The following CLOCK variants were observed in gnomAD, a reference collection of about 807,000 sequenced individuals.
CLOCK encodes the protein clock circadian regulator.
Under a neutral mutation model 118.4 loss-of-function variants are expected in CLOCK, and 43 were observed. The ratio of observed to expected loss-of-function variants is 0.36; its 90% confidence interval spans 0.28 to 0.47. CLOCK has a LOEUF of 0.47. Ranked by LOEUF, CLOCK falls within the 20% of genes least tolerant of loss-of-function variation. The pLI is 1.00. For missense variants in CLOCK, 846 were observed against 999.9 expected (o/e 0.85, Z 2.08); for synonymous variants, 326 against 339.2 (o/e 0.96, Z 0.43).
chr4:55,542,583 A>C (rs1731352579), intron 1 of CLOCK, among the ~76,000 whole-genome samples: 2 of 152,008 alleles, frequency 1.3e-5, no homozygotes, highest in African/African-American at 4.8e-5. Context: ...GGTTTAAAAC[A>C]AACCCTCTGG....
chr4:55,497,821 T>C (rs145660933), intron 2 of CLOCK, among the ~76,000 whole-genome samples: 98 of 152,318 alleles, frequency 6.4e-4, no homozygotes, highest in African/African-American at 2.3e-3. Context: ...GGAAAACTAA[T>C]TGTTACACCA....
intron 1 of CLOCK, among the ~76,000 whole-genome samples, chr4:55,519,689 A>T (rs1368298343): frequency 6.6e-6 from 1 of 152,104 alleles, no homozygotes; most frequent in Admixed American, 6.6e-5. Context: ...GAGGCAGGAG[A>T]ACCAATTGAA....
chr4:55,443,967 C>T, intron 19 of CLOCK, 71 bp from the exon 20 acceptor site: 1 of 1,350,860 alleles, frequency 7.4e-7, no homozygotes, highest in Non-Finnish European at 1.0e-6. Context: ...AAAAAGAAGG[C>T]AAAATCAAGC....
At chr4:55,537,633 A>G (rs554227197) in intron 1 of CLOCK, among the ~76,000 whole-genome samples, 7 of 152,138 alleles carry the variant, frequency 4.6e-5, no homozygotes, top group African/African-American at 1.7e-4. Context: ...AAATAAAAAT[A>G]AAAATAAAAA....
Position 55,503,978 on chromosome 4 carries a change from T to TAAAAGAAAAAAAAAAAAAAA in CLOCK, c.-136+5933_-136+5934insTTTTTTTTTTTTTTTCTTTT, listed in dbSNP as rs1553900254. 3.4e-3 allele frequency among the ~76,000 whole-genome samples: 244 copies of TAAAAGAAAAAAAAAAAAAAA among 71,116 alleles called. 26 individuals are homozygous for TAAAAGAAAAAAAAAAAAAAA. The highest frequency in any genetic ancestry group is 0.018 in the Middle Eastern group (1 of 56). The allele number at this position is 71,116 out of a possible 152,430, so 46.7% of individuals were successfully genotyped here. A position where few individuals can be genotyped will look rare whatever the true frequency, so the allele number is the denominator to read the frequency against. ...ACAGTTTCTATTTGGCAAAAAGAGGTAAAAAAAAAAAAAAAAAAAAAAAAA... is the reference window on the plus strand; with the variant it reads ...ACAGTTTCTATTTGGCAAAAAGAGGTAAAAGAAAAAAAAAAAAAAAAAAAAAAAAAAAAAAAAAAAAAAAA... On this transcript the variant is annotated intron_variant, in intron 2 of 22. Transcript: ENST00000513440.
chr4:55,467,755 T>C (rs562467349), intron 8 of CLOCK, among the ~76,000 whole-genome samples: 49 of 151,836 alleles, frequency 3.2e-4, no homozygotes, highest in Non-Finnish European at 5.9e-4. Context: ...CAGTCTGTCC[T>C]TTTTTCTGCC....
At chr4:55,459,293 T>C in intron 9 of CLOCK, 32 bp from the exon 10 acceptor site, 1 of 1,280,412 alleles carries the variant, frequency 7.8e-7, no homozygotes, top group Non-Finnish European at 1.1e-6. Flanking sequence ...AAATCACATA[T>C]TTCTGATATA....
At chr4:55,449,287 T>C in intron 17 of CLOCK, 109 bp downstream of exon 17, 1 of 1,012,536 alleles carries the variant, frequency 9.9e-7, no homozygotes, top group Non-Finnish European at 1.6e-6. Flanking sequence ...CAGTAACTAT[T>C]TTGATCTTTA....
Position 55,442,457 on chromosome 4 carries a change from T to C in CLOCK, c.2080A>G (p.Thr694Ala), listed in dbSNP as rs1277363021. Residue 694 changes from threonine to alanine, a missense_variant, in exon 21 of 23, where the codon ACA (threonine) becomes GCA (alanine). By Grantham distance (58) the Thr-to-Ala change is moderately conservative. This residue lies in a region of CLOCK where 520 missense variants were observed against 558.0 expected (regional missense o/e 0.93). Coordinates refer to ENST00000513440, the MANE Select transcript of CLOCK (RefSeq NM_004898.4). ...QNSTQSAAVT[T>A]FTQDRQIRFS... is the part of the protein sequence containing the mutation. ...CTTATCTGCCTGTCCTGAGTGAATG[T>C]AGTTACTGCAGCACTCTGGGTGCTG... 6.8e-6 allele frequency: 11 copies of C among 1,609,058 alleles called. No homozygotes were observed. Among genetic ancestry groups the C allele is most frequent in the South Asian group, 2.2e-5 (2 of 90,636 alleles).
chr4:55,505,903 G>A lies in CLOCK; in HGVS notation c.-136+4009C>T, dbSNP rs1210654571. Among the ~76,000 whole-genome samples the A allele has an allele frequency of 2.0e-5, 3 of 150,140 alleles. No homozygotes were observed. In the Admixed American group the frequency reaches 2.0e-4, roughly 10 times the overall value. On this transcript the variant is annotated intron_variant, in intron 2 of 22. Coordinates refer to ENST00000513440, the MANE Select transcript of CLOCK (RefSeq NM_004898.4). ...CATATCATACATAAACATATTTTTT[G>A]AACCATTTGAAAGTAAAATGCACAT...
At chr4:55,533,411 C>T (rs184682591) in intron 1 of CLOCK, among the ~76,000 whole-genome samples, 139 of 152,252 alleles carry the variant, frequency 9.1e-4, no homozygotes, top group African/African-American at 3.0e-3. Context: ...AACTGAATAT[C>T]CACATGCCAA....
At chr4:55,483,456 T>A (rs1166494327) in intron 3 of CLOCK, among the ~76,000 whole-genome samples, 1 of 152,142 alleles carries the variant, frequency 6.6e-6, no homozygotes, top group East Asian at 1.9e-4. Context: ...GGTGCAGGGA[T>A]GGGCAGCATC....
In CLOCK at chr4:55,431,450, A is replaced by T. The variant is rs956751629; in HGVS notation, c.*3965T>A. 2.0e-5 allele frequency: 3 copies of T among 152,226 alleles called. No individual in the cohort carries two copies. Among genetic ancestry groups the T allele is most frequent in the Non-Finnish European group, 2.9e-5 (2 of 68,034 alleles). The allele number at this position is 152,226 out of a possible 1,614,324, so 9.4% of individuals were successfully genotyped here. A position where few individuals can be genotyped will look rare whatever the true frequency, so the allele number is the denominator to read the frequency against. On this transcript the variant is annotated 3_prime_UTR_variant, in exon 23 of 23. Coordinates refer to ENST00000513440, the MANE Select transcript of CLOCK (RefSeq NM_004898.4). ...CTCCTTTTAGAAGAAAGCTCACCCA[A>T]TCCAAACTTAAAAGGTTCTCTTTCT...
chr4:55,447,883 A>T (rs1723999070), intron 18 of CLOCK, among the ~76,000 whole-genome samples: 1 of 152,188 alleles, frequency 6.6e-6, no homozygotes, highest in African/African-American at 2.4e-5. Flanking sequence ...GAAAAATACT[A>T]CTTCTCCATA....
At chr4:55,444,492 G>T in intron 19 of CLOCK, 141 bp downstream of exon 19, 1 of 948,268 alleles carries the variant, frequency 1.1e-6, no homozygotes, top group Non-Finnish European at 1.7e-6. Context: ...ATCATACTGA[G>T]TAGGTAACCA....
chr4:55,459,109 C>G, intron 10 of CLOCK, 39 bp downstream of exon 10: 1 of 1,475,852 alleles, frequency 6.8e-7, no homozygotes, highest in Non-Finnish European at 9.5e-7. Context: ...AGAAAAATAA[C>G]AAGTTAAAAC....
At position 55,443,824 on chromosome 4, in the gene CLOCK, T is replaced by C. The variant is rs763217427; in HGVS notation, c.1765A>G (p.Ile589Val). Reference protein sequence around the residue: ...VQLSSGNSSNIQQLAPINMQG... With the variant: ...VQLSSGNSSNVQQLAPINMQG... ...ATATTTATAGGTGCAAGTTGCTGGA[T>C]ATTAGATGAATTTCCAGAAGAAAGT... The change falls in exon 20 of 23, where the codon ATC becomes GTC. Residue 589 changes from isoleucine to valine, a missense_variant. Ile to Val is a conservative substitution (Grantham distance 29). Around this residue, in one of 4 missense-constraint regions of CLOCK, gnomAD observed 520 missense variants for 558.0 expected, o/e 0.93. Coordinates refer to ENST00000513440, the MANE Select transcript of CLOCK (RefSeq NM_004898.4). The C allele has an allele frequency of 1.9e-6, 3 of 1,613,918 alleles. No homozygotes were observed. The African/African-American group carries it at 4.0e-5, about 22-fold the overall frequency.
At chr4:55,542,431 T>C (rs1731342495) in intron 1 of CLOCK, among the ~76,000 whole-genome samples, 1 of 149,110 alleles carries the variant, frequency 6.7e-6, no homozygotes, top group Admixed American at 6.8e-5. Flanking sequence ...CCATACTAGA[T>C]TTCAAAACCA....
chr4:55,503,554 C>T (rs1174524058), intron 2 of CLOCK, among the ~76,000 whole-genome samples: 2 of 151,896 alleles, frequency 1.3e-5, no homozygotes, highest in Admixed American at 1.3e-4. Context: ...CAAAATGACA[C>T]TCAGGATTTA....
Sources: gnomAD v4.1 joint callset for allele counts (sites outside exome capture counted in the v4.1 genomes callset) on GRCh38, gnomAD v4.1.1 for gene constraint, gnomAD v4.1.1 regional missense constraint, MANE v1.5 for transcripts, NCBI Gene and HGNC (gene_info 2026-07-23, HGNC 2026-07-21) for gene names.